Variants in ANXA4 observed in about 807,000 individuals in gnomAD.
ANXA4 encodes 35-beta calcimedin.
Under a neutral mutation model 49.8 loss-of-function variants are expected in ANXA4, and 39 were observed. That is an observed-to-expected ratio of 0.78 (90% CI 0.61 to 1.02). The LOEUF is 1.02. Among genes scored for constraint, ANXA4 ranks in the 50% least tolerant of loss-of-function variants. The pLI is 0.00. For missense variants in ANXA4, 360 were observed against 410.1 expected, an observed-to-expected ratio of 0.88 and a Z score of 1.05; for synonymous variants, 134 against 152.5, an observed-to-expected ratio of 0.88 and a Z score of 0.89.
chr2:69,647,809 A>C (rs1220825968), intron 1 of ANXA4, among the ~76,000 whole-genome samples: 1 of 152,180 alleles, frequency 6.6e-6, no homozygotes, highest in Admixed American at 6.5e-5. Flanking sequence ...CTCCCACCTC[A>C]GCCTCCCAAA....
chr2:69,798,090 G>C (rs978412132), intron 3 of ANXA4, among the ~76,000 whole-genome samples: 1 of 152,172 alleles, frequency 6.6e-6, no homozygotes, highest in Admixed American at 6.5e-5. Context: ...GACAGTGCTG[G>C]TTCCTCACAT....
intron 2 of ANXA4, among the ~76,000 whole-genome samples, chr2:69,708,827 G>T (rs1244184480): frequency 6.6e-6 from 1 of 151,614 alleles, no homozygotes; most frequent in Non-Finnish European, 1.5e-5. Flanking sequence ...AACCAGCCTG[G>T]TCAACATGGT....
chr2:69,756,562 G>C (rs1671045082), intron 1 of ANXA4, among the ~76,000 whole-genome samples: 1 of 152,090 alleles, frequency 6.6e-6, no homozygotes, highest in Admixed American at 6.6e-5. Flanking sequence ...TTTAAAAAAA[G>C]CTTTTATTAT....
chr2:69,742,043 G>A (rs1375894164), upstream of ANXA4: 1 of 152,260 alleles, frequency 6.6e-6, no homozygotes, highest in African/African-American at 2.4e-5. Context: ...CTCGTGGGCA[G>A]AGGAACAACC....
rs190488576 is a variant in ANXA4, at chr2:69,751,257, G to A, written c.-47+9082G>A. Among the ~76,000 whole-genome samples the A allele has an allele frequency of 1.7e-3, 258 of 152,156 alleles. 1 individual carries two copies. The highest frequency in any genetic ancestry group is 2.8e-3 in the Non-Finnish European group (190 of 68,000). The stretch of plus-strand genomic sequence containing the variant: ...GTGGGGGAATCAGGCCAGCCGCAGT[G>A]GCTCATGCTTGTAATCCCAGGCTAA... On this transcript the variant is annotated intron_variant, in intron 1 of 12. Coordinates refer to ENST00000394295, the MANE Select transcript of ANXA4 (RefSeq NM_001153.5).
At chr2:69,682,977 C>T (rs923012092) in intron 2 of ANXA4, among the ~76,000 whole-genome samples, 2 of 151,966 alleles carry the variant, frequency 1.3e-5, no homozygotes, top group Admixed American at 1.3e-4. Flanking sequence ...CTAAAATATC[C>T]ACGTTATTGT....
In ANXA4 at chr2:69,663,293, C is replaced by CTTTTTTTTTT. The variant is rs55970370; in HGVS notation, n.766+10036_766+10045dup. 3.0e-4 allele frequency among the ~76,000 whole-genome samples: 13 copies of CTTTTTTTTTT among 42,836 alleles called. 3 individuals carry two copies. Among genetic ancestry groups the CTTTTTTTTTT allele is most frequent in the Non-Finnish European group, 4.9e-4 (12 of 24,306 alleles). 28.1% of individuals were successfully genotyped at this position (42,836 alleles called of 152,430 possible). A position where few individuals can be genotyped will look rare whatever the true frequency, so the allele number is the denominator to read the frequency against. ...ACAGGCGTGAGCCAATGCACCCGGC[C>CTTTTTTTTTT]TTTTTTTTTTTTTTTTTTTTTTTTT... is the stretch of plus-strand genomic sequence containing the variant. On this transcript the variant is annotated intron_variant and non_coding_transcript_variant, in intron 2 of 3. Coordinates refer to the ANXA4 transcript ENST00000418066.
chr2:69,742,006 G>C (rs1559130657), upstream of ANXA4: 1 of 152,308 alleles, frequency 6.6e-6, no homozygotes, highest in South Asian at 2.1e-4. Context: ...CCCCAGGTGC[G>C]CTTCCCCTAG....
chr2:69,742,825 T>A (rs911981136), intron 1 of ANXA4, among the ~76,000 whole-genome samples: 2 of 152,138 alleles, frequency 1.3e-5, no homozygotes, highest in Non-Finnish European at 2.9e-5. Context: ...AATGCAAGTC[T>A]TCTGAGCTGA....
chr2:69,810,737 GC>G lies in ANXA4; in HGVS notation c.477+66del, dbSNP rs1277718030. 3.7e-6 allele frequency: 5 copies of G among 1,344,034 alleles called. No homozygotes were observed. In the Admixed American group the frequency reaches 8.5e-5, roughly 23 times the overall value. The allele number at this position is 1,344,034 out of a possible 1,614,324, so 83.3% of individuals were successfully genotyped here. A position where few individuals can be genotyped will look rare whatever the true frequency, so the allele number is the denominator to read the frequency against. ...AATGTCCACTCTATCCCCTTTGCCAGCCTTTCTCATCCTTTCAGCCCCTGAC... is the reference window on the plus strand; with the variant it reads ...AATGTCCACTCTATCCCCTTTGCCAGCTTTCTCATCCTTTCAGCCCCTGAC... On this transcript the variant is annotated intron_variant, in intron 7 of 12. Coordinates refer to ENST00000394295, the MANE Select transcript of ANXA4 (RefSeq NM_001153.5).
At chr2:69,710,562 T>C (rs1172770175) in intron 2 of ANXA4, among the ~76,000 whole-genome samples, 1 of 152,228 alleles carries the variant, frequency 6.6e-6, no homozygotes, top group African/African-American at 2.4e-5. Flanking sequence ...ATATATCTGA[T>C]ACAGGTCTTG....
In ANXA4 at chr2:69,808,009, C is replaced by T. The variant is rs368406744; in HGVS notation, c.397+13C>T. The T allele has an allele frequency of 7.4e-6, 12 of 1,612,906 alleles. No individual in the cohort carries two copies. The Admixed American group carries it at 8.3e-5, about 11-fold the overall frequency. ...ACCTACCAGCAGCGTACGTGACATC[C>T]GCAGTGGCCCTGGCTGAGGTTTCGC... On this transcript the variant is annotated intron_variant, in intron 6 of 12. Transcript: ENST00000394295.
chr2:69,741,772 AG>A (rs1427388136), upstream of ANXA4, among the ~76,000 whole-genome samples: 2 of 151,898 alleles, frequency 1.3e-5, no homozygotes, highest in Non-Finnish European at 2.9e-5. Context: ...CGGCCCTCCG[AG>A]GGTGTGGAGC....
chr2:69,807,288 T>C (rs964431439), intron 5 of ANXA4, among the ~76,000 whole-genome samples: 12 of 152,124 alleles, frequency 7.9e-5, no homozygotes, highest in Non-Finnish European at 1.5e-4. Context: ...TGACTGACAC[T>C]TTAGGGGCCT....
intron 1 of ANXA4, among the ~76,000 whole-genome samples, chr2:69,747,985 A>T (rs1011316694): frequency 5.9e-5 from 9 of 152,104 alleles, no homozygotes; most frequent in Non-Finnish European, 7.3e-5. Flanking sequence ...GAAATTATTT[A>T]AAAATATTGT....
intron 1 of ANXA4, among the ~76,000 whole-genome samples, chr2:69,762,696 G>A (rs911500294): frequency 7.9e-5 from 12 of 151,990 alleles, no homozygotes; most frequent in South Asian, 2.1e-4. Flanking sequence ...ACCATGATTC[G>A]CGCCCCAACA....
rs1159053018 is a variant in ANXA4, at chr2:69,673,489, G to C, written n.766+20207G>C. Among the ~76,000 whole-genome samples the C allele has an allele frequency of 1.0e-4, 15 of 143,466 alleles. No individual in the cohort carries two copies. In the East Asian group the frequency reaches 3.1e-3, roughly 30 times the overall value. 94.1% of individuals were successfully genotyped at this position (143,466 alleles called of 152,430 possible). ...GGACACAAGGAGGGGAACATCACACGCTGGGGTTGGGGGTTGGGGATTGGG... is the reference window on the plus strand; with the variant it reads ...GGACACAAGGAGGGGAACATCACACCCTGGGGTTGGGGGTTGGGGATTGGG... On this transcript the variant is annotated intron_variant and non_coding_transcript_variant, in intron 2 of 3. Transcript: ENST00000418066.
Position 69,804,622 on chromosome 2 carries a change from G to C in ANXA4, c.187G>C (p.Gly63Arg). The change falls in exon 4 of 13, where the codon GGC (glycine) becomes CGC (arginine). Residue 63 changes from glycine (G) to arginine (R), a missense_variant. Coordinates refer to ENST00000394295, the MANE Select transcript of ANXA4 (RefSeq NM_001153.5). ...EIRTAYKSTI[G>R]RDLIDDLKSE... Reference sequence around the variant, plus strand: ...CAGGACAGCCTACAAGAGCACCATCGGCAGGGTAGGCCACAGTCTTTCCTG... The same window carrying C: ...CAGGACAGCCTACAAGAGCACCATCCGCAGGGTAGGCCACAGTCTTTCCTG... The C allele has an allele frequency of 6.2e-7, 1 of 1,611,810 alleles. No homozygotes were observed. Among genetic ancestry groups the C allele is most frequent in the Non-Finnish European group, 8.5e-7 (1 of 1,178,948 alleles).
chr2:69,760,733 G>A (rs1486171665), intron 1 of ANXA4, among the ~76,000 whole-genome samples: 4 of 152,120 alleles, frequency 2.6e-5, no homozygotes, highest in Admixed American at 6.5e-5. Context: ...TTTTGTGTGC[G>A]TGATTTAAAG....
Sources: allele counts gnomAD v4.1 joint callset (sites outside exome capture counted in the v4.1 genomes callset), GRCh38; gene constraint gnomAD v4.1.1; transcripts MANE v1.5; gene names NCBI Gene and HGNC (gene_info 2026-07-23, HGNC 2026-07-21).